Variants in PPP3CA observed in about 807,000 individuals in gnomAD.
The protein encoded by PPP3CA is CAM-PRP catalytic subunit.
Under a neutral mutation model 66.5 loss-of-function variants are expected in PPP3CA, and 14 were observed. The ratio of observed to expected loss-of-function variants is 0.21; its 90% CI spans 0.14 to 0.33. PPP3CA has a LOEUF of 0.33. PPP3CA is among the 10% of genes least tolerant of loss of function. PPP3CA has a pLI of 1.00. For synonymous variants in PPP3CA, 232 were observed against 226.2 expected (o/e 1.03, Z -0.23); for missense variants, 317 against 639.5 (o/e 0.50, Z 5.44).
intron 8 of PPP3CA, among the ~76,000 whole-genome samples, chr4:101,075,420 G>T (rs1729143114): frequency 6.6e-6 from 1 of 151,998 alleles, no homozygotes; most frequent in African/African-American, 2.4e-5. Flanking sequence ...GTGTGTACTG[G>T]AACTAAGTTA....
intron 1 of PPP3CA, among the ~76,000 whole-genome samples, chr4:101,220,037 A>G (rs919325605): frequency 2.0e-5 from 3 of 151,854 alleles, no homozygotes; most frequent in Admixed American, 2.0e-4. Context: ...CATCATTATA[A>G]TCAGAAAACT....
At chr4:101,214,642 T>C (rs1578560873) in intron 1 of PPP3CA, among the ~76,000 whole-genome samples, 1 of 151,994 alleles carries the variant, frequency 6.6e-6, no homozygotes. Context: ...AACTAACTCC[T>C]CCCACAGCAG....
chr4:101,026,188 G>A (rs1391198644), intron 13 of PPP3CA, 127 bp from the exon 14 acceptor site: 8 of 734,890 alleles, frequency 1.1e-5, no homozygotes, highest in Non-Finnish European at 1.7e-5. Context: ...AGAACAAAGT[G>A]ACGGGACCTG....
At chr4:101,167,489 T>C (rs1165611312) in intron 2 of PPP3CA, among the ~76,000 whole-genome samples, 3 of 152,174 alleles carry the variant, frequency 2.0e-5, no homozygotes, top group East Asian at 3.9e-4. Flanking sequence ...ACACTGGGAA[T>C]AGGGCAATGA....
intron 2 of PPP3CA, among the ~76,000 whole-genome samples, chr4:101,161,141 C>T (rs774302548): frequency 6.6e-6 from 1 of 152,040 alleles, no homozygotes; most frequent in Non-Finnish European, 1.5e-5. Flanking sequence ...TAACGTGGTA[C>T]AGGTTTGTAG....
chr4:101,125,003 A>T (rs549176444), intron 2 of PPP3CA, among the ~76,000 whole-genome samples: 1 of 152,334 alleles, frequency 6.6e-6, no homozygotes, highest in East Asian at 1.9e-4. Context: ...TTGTAAATAT[A>T]ATGTACTTCA....
At chr4:101,049,622 C>T (rs1362248329) in intron 10 of PPP3CA, among the ~76,000 whole-genome samples, 2 of 151,874 alleles carry the variant, frequency 1.3e-5, no homozygotes, top group Non-Finnish European at 2.9e-5. Flanking sequence ...CATAATTGTG[C>T]ATACGTGATA....
chr4:101,255,456 T>G (rs969567127), intron 1 of PPP3CA, among the ~76,000 whole-genome samples: 1 of 151,924 alleles, frequency 6.6e-6, no homozygotes, highest in African/African-American at 2.4e-5. Context: ...ACATAAATTG[T>G]TCACTAGCAC....
chr4:101,273,260 G>A (rs953047739), intron 1 of PPP3CA, among the ~76,000 whole-genome samples: 2 of 151,826 alleles, frequency 1.3e-5, no homozygotes, highest in African/African-American at 4.8e-5. Context: ...TTCATTCAGA[G>A]ATTCTATTTT....
intron 1 of PPP3CA, among the ~76,000 whole-genome samples, chr4:101,278,128 AAAAAAAAAAAAT>A (rs1382373673): frequency 6.9e-6 from 1 of 145,060 alleles, no homozygotes; most frequent in African/African-American, 2.8e-5. Context: ...TTAGTAAAAA[AAAAAAAAAAAAT>A]AAAAAAATTA....
chr4:101,174,582 G>A lies in PPP3CA; in HGVS notation c.259+21334C>T, dbSNP rs547776171. ...AGGATGACAACAATATAAAGAATAT[G>A]TGTGCAAACCTAAACACAAAATTAT... is the stretch of plus-strand genomic sequence containing the variant. On this transcript the variant is annotated intron_variant, in intron 2 of 13. Transcript: ENST00000394854. Among the ~76,000 whole-genome samples, 16 of 152,290 alleles carry A rather than the reference G, an allele frequency of 1.1e-4. No individual in the cohort carries two copies. In the South Asian group the frequency reaches 3.3e-3, roughly 32 times the overall value.
chr4:101,077,984 AAATCCC>A (rs1406324462), intron 8 of PPP3CA, among the ~76,000 whole-genome samples: 2 of 152,146 alleles, frequency 1.3e-5, no homozygotes, highest in Non-Finnish European at 2.9e-5. Context: ...TTGTGGAGTA[AAATCCC>A]AATTTTTATT....
intron 1 of PPP3CA, among the ~76,000 whole-genome samples, chr4:101,287,862 G>A (rs180808609): frequency 1.3e-5 from 2 of 151,762 alleles, no homozygotes; most frequent in Admixed American, 1.3e-4. Context: ...CTAATCAAAG[G>A]CTGGTAACTT....
At chr4:101,045,488 T>A (rs1251070231) in intron 10 of PPP3CA, among the ~76,000 whole-genome samples, 1 of 152,164 alleles carries the variant, frequency 6.6e-6, no homozygotes, top group African/African-American at 2.4e-5. Context: ...GAAAAACTTT[T>A]CAGTGAAATG....
chr4:101,227,141 CAT>C (rs75942689), intron 1 of PPP3CA, among the ~76,000 whole-genome samples: 3,780 of 151,646 alleles, frequency 0.025, 66 homozygotes, highest in Non-Finnish European at 0.037. Flanking sequence ...TACATACATA[CAT>C]ACACATAAAT....
At chr4:101,100,133 A>C (rs17030753) in intron 3 of PPP3CA, among the ~76,000 whole-genome samples, 25,742 of 152,048 alleles carry the variant, frequency 0.17, 3,084 homozygotes, top group African/African-American at 0.33. Context: ...GATTCCCTGA[A>C]CTTCAATTTA....
At chr4:101,216,186 C>T (rs1725447224) in intron 1 of PPP3CA, among the ~76,000 whole-genome samples, 1 of 152,084 alleles carries the variant, frequency 6.6e-6, no homozygotes, top group African/African-American at 2.4e-5. Context: ...AATTACGCAG[C>T]ATTATAAATG....
chr4:101,199,937 C>G (rs1007245410), intron 1 of PPP3CA, among the ~76,000 whole-genome samples: 13 of 152,138 alleles, frequency 8.5e-5, no homozygotes, highest in Admixed American at 8.5e-4. Flanking sequence ...GAGAGAAACA[C>G]ATTTCAAGTC....
intron 11 of PPP3CA, 119 bp from the exon 12 acceptor site, chr4:101,032,483 C>T (rs1049724279): frequency 3.7e-5 from 29 of 778,216 alleles, no homozygotes; most frequent in Admixed American, 3.3e-4. Flanking sequence ...CTTGGCTCTC[C>T]GGATCTTTTT....
Sources: allele counts gnomAD v4.1 joint callset (sites outside exome capture counted in the v4.1 genomes callset), GRCh38; gene constraint gnomAD v4.1.1; transcripts MANE v1.5; gene names NCBI Gene and HGNC (gene_info 2026-07-23, HGNC 2026-07-21).